UBE2D2: variants seen among roughly 807,000 people sequenced by gnomAD.
The protein encoded by UBE2D2 is ubiquitin conjugating enzyme E2 D2.
Under a neutral mutation model 24.2 loss-of-function variants are expected in UBE2D2, and 2 were observed. That is an observed-to-expected ratio of 0.08 (90% CI 0.03 to 0.26). The LOEUF is 0.26. Among genes scored for constraint, UBE2D2 ranks in the 10% least tolerant of loss-of-function variants. The pLI is 1.00. For synonymous variants in UBE2D2, 58 were observed against 56.5 expected, an observed-to-expected ratio of 1.03 and a Z score of -0.12; for missense variants, 44 against 177.6, an observed-to-expected ratio of 0.25 and a Z score of 4.28.
At chr5:139,601,390 G>A (rs901064702) in intron 2 of UBE2D2, among the ~76,000 whole-genome samples, 2 of 152,066 alleles carry the variant, frequency 1.3e-5, no homozygotes, top group Non-Finnish European at 2.9e-5. Context: ...AATCAATTGA[G>A]CCCAGGAGTT....
chr5:139,545,870 T>G (rs1218536777), intron 1 of UBE2D2, among the ~76,000 whole-genome samples: 1 of 150,846 alleles, frequency 6.6e-6, no homozygotes, highest in Admixed American at 6.6e-5. Context: ...ATTACAGGCA[T>G]GTACCACCAT....
chr5:139,618,659 C>T (rs1754461440), intron 5 of UBE2D2, among the ~76,000 whole-genome samples: 1 of 152,046 alleles, frequency 6.6e-6, no homozygotes, highest in Admixed American at 6.6e-5. Context: ...TCTTTTTGTT[C>T]TTCCCCTTGC....
chr5:139,616,708 C>T (rs1324786129), intron 5 of UBE2D2, among the ~76,000 whole-genome samples: 1 of 152,196 alleles, frequency 6.6e-6, no homozygotes, highest in Admixed American at 6.5e-5. Flanking sequence ...GAGACTTAAT[C>T]ATCCATGCCC....
intron 1 of UBE2D2, among the ~76,000 whole-genome samples, chr5:139,532,118 A>T (rs1752604472): frequency 6.6e-6 from 1 of 151,218 alleles, no homozygotes; most frequent in Non-Finnish European, 1.5e-5. Context: ...TCTATCGAAA[A>T]TTTCAGTTTG....
At chr5:139,587,123 T>C (rs879366486) in intron 1 of UBE2D2, among the ~76,000 whole-genome samples, 16 of 152,290 alleles carry the variant, frequency 1.1e-4, no homozygotes, top group Non-Finnish European at 1.6e-4. Context: ...GTGAGTGTTA[T>C]ATCTCTATTA....
chr5:139,562,059 C>T, intron 1 of UBE2D2: 3 of 828,306 alleles, frequency 3.6e-6, no homozygotes, highest in Non-Finnish European at 5.3e-6. Flanking sequence ...CTTCCAGGCC[C>T]GCATGGTGTG....
At chr5:139,565,330 C>A (rs936205399) in intron 1 of UBE2D2, among the ~76,000 whole-genome samples, 12 of 152,124 alleles carry the variant, frequency 7.9e-5, no homozygotes, top group African/African-American at 2.9e-4. Flanking sequence ...ATCTTAAGGT[C>A]CCCTGACCTA....
intron 6 of UBE2D2, among the ~76,000 whole-genome samples, chr5:139,626,463 G>T (rs571073959): frequency 2.0e-5 from 3 of 152,184 alleles, no homozygotes; most frequent in African/African-American, 7.2e-5. Flanking sequence ...TGAATTGAGT[G>T]GACATCTTTT....
intron 1 of UBE2D2, 78 bp downstream of exon 1, chr5:139,561,893 G>C (rs950314943): frequency 1.4e-6 from 2 of 1,429,824 alleles, no homozygotes; most frequent in Non-Finnish European, 1.8e-6. Flanking sequence ...AGTCTCCGTC[G>C]GGCTCGCGGC....
At chr5:139,561,962 A>G in intron 1 of UBE2D2, 147 bp downstream of exon 1, 1 of 1,153,812 alleles carries the variant, frequency 8.7e-7, no homozygotes, top group East Asian at 2.9e-5. Context: ...CCCCACTCCC[A>G]GTGATGGCGC....
chr5:139,603,373 G>C, intron 2 of UBE2D2, among the ~76,000 whole-genome samples: 1 of 152,146 alleles, frequency 6.6e-6, no homozygotes, highest in East Asian at 1.9e-4. Context: ...ACAGCCGAGT[G>C]CGATGGTTCA....
At chr5:139,564,476 CG>C (rs779611350) in intron 1 of UBE2D2, among the ~76,000 whole-genome samples, 6 of 142,240 alleles carry the variant, frequency 4.2e-5, no homozygotes, top group Non-Finnish European at 7.6e-5. Flanking sequence ...TTTTTGGAGA[CG>C]GAGTCTCCCT....
intron 1 of UBE2D2, among the ~76,000 whole-genome samples, chr5:139,541,288 ACT>A (rs1278638463): frequency 2.0e-5 from 3 of 149,094 alleles, no homozygotes; most frequent in African/African-American, 7.5e-5. Flanking sequence ...ACAAAGTGAG[ACT>A]CTGTTTCGAA....
At chr5:139,590,515 T>G (rs1753821851) in intron 1 of UBE2D2, among the ~76,000 whole-genome samples, 3 of 150,184 alleles carry the variant, frequency 2.0e-5, no homozygotes. Flanking sequence ...AATATCTCAA[T>G]ATTTTGAGGG....
chr5:139,577,400 C>T (rs1198500163), intron 1 of UBE2D2, among the ~76,000 whole-genome samples: 1 of 139,226 alleles, frequency 7.2e-6, no homozygotes, highest in Non-Finnish European at 1.5e-5. Flanking sequence ...CAGTTAGCAT[C>T]TCTCTTTTTT....
intron 1 of UBE2D2, among the ~76,000 whole-genome samples, chr5:139,564,405 C>T (rs1201251711): frequency 6.6e-6 from 1 of 151,478 alleles, no homozygotes; most frequent in African/African-American, 2.4e-5. Flanking sequence ...CCACCTGCCT[C>T]AGCCTCCCAA....
Position 139,568,975 on chromosome 5 carries a change from A to G in UBE2D2, c.24+7160A>G, listed in dbSNP as rs376213842. Among the ~76,000 whole-genome samples, 156 of 152,224 alleles carry G rather than the reference A, an allele frequency of 1.0e-3. 2 individuals are homozygous for G. Among genetic ancestry groups the G allele is most frequent in the African/African-American group, 3.5e-3 (146 of 41,548 alleles). ...ACAGAGCAAGACTCCGTCTCAAAAA[A>G]GAAAAAAAAATACTGTACTAGAGGT... On this transcript the variant is annotated intron_variant, in intron 1 of 6. Coordinates refer to ENST00000398733, the MANE Select transcript of UBE2D2 (RefSeq NM_003339.3).
At chr5:139,596,135 G>A (rs1427099104) in intron 1 of UBE2D2, among the ~76,000 whole-genome samples, 2 of 151,158 alleles carry the variant, frequency 1.3e-5, no homozygotes, top group Middle Eastern at 3.2e-3. Context: ...CTCATGATCC[G>A]CCCACCTCAG....
chr5:139,614,987 T>C, intron 5 of UBE2D2, 21 bp downstream of exon 5: 3 of 1,584,210 alleles, frequency 1.9e-6, no homozygotes, highest in Non-Finnish European at 2.6e-6. Flanking sequence ...GTATTTGATA[T>C]CAAGATAAAG....
Sources: allele counts gnomAD v4.1 joint callset (sites outside exome capture counted in the v4.1 genomes callset), GRCh38; gene constraint gnomAD v4.1.1; transcripts MANE v1.5; gene names NCBI Gene and HGNC (gene_info 2026-07-23, HGNC 2026-07-21).